Variants in SNX18 observed in about 807,000 individuals in gnomAD.
SNX18 encodes the protein sorting nexin-18.
SNX18 carries 35 observed loss-of-function variants against 48.7 expected under a neutral mutation model. That is an observed-to-expected ratio of 0.72 (90% CI 0.55 to 0.95). The LOEUF (loss-of-function observed/expected upper bound fraction) is 0.95. Among genes scored for constraint, SNX18 ranks in the 40% least tolerant of loss-of-function variants. The pLI is 0.00. For missense variants in SNX18, 824 were observed against 871.0 expected, an observed-to-expected ratio of 0.95 and a Z score of 0.68; for synonymous variants, 492 against 384.7, an observed-to-expected ratio of 1.28 and a Z score of -3.26.
At chr5:54,638,825 T>C in the SNX18 span, among the ~76,000 whole-genome samples, 3 of 152,140 alleles carry the variant, frequency 2.0e-5, no homozygotes, top group African/African-American at 7.2e-5. Context: ...TGGTAGAAGC[T>C]GGATCTGAGC....
chr5:54,591,784 T>G, the SNX18 span, among the ~76,000 whole-genome samples: 1 of 152,216 alleles, frequency 6.6e-6, no homozygotes, highest in African/African-American at 2.4e-5. Context: ...AATGTGTTTT[T>G]AGACAGAGGT....
At chr5:54,543,038 G>A (rs779321237) in intron 1 of SNX18, 141 bp from the exon 2 acceptor site, 1 of 754,792 alleles carries the variant, frequency 1.3e-6, no homozygotes, top group South Asian at 2.4e-5. Flanking sequence ...GAGTAATTAT[G>A]GTCCTCACTT....
the SNX18 span, chr5:54,645,119 T>A: frequency 6.6e-6 from 1 of 152,224 alleles, no homozygotes; most frequent in Non-Finnish European, 1.5e-5. Flanking sequence ...TATTAACTGA[T>A]ATATCCTGGG....
chr5:54,564,793 G>C, the SNX18 span, among the ~76,000 whole-genome samples: 1 of 152,248 alleles, frequency 6.6e-6, no homozygotes, highest in African/African-American at 2.4e-5. Context: ...GGGAGGCAGA[G>C]GTTGCAGTGA....
chr5:54,635,208 A>G, the SNX18 span, among the ~76,000 whole-genome samples: 4 of 151,558 alleles, frequency 2.6e-5, no homozygotes, highest in Non-Finnish European at 5.9e-5. Flanking sequence ...GGGGGAGAAT[A>G]TTCCCAAAGT....
At chr5:54,624,465 G>A in the SNX18 span, among the ~76,000 whole-genome samples, 2 of 152,210 alleles carry the variant, frequency 1.3e-5, no homozygotes, top group Non-Finnish European at 2.9e-5. Context: ...AGTAAATGAA[G>A]ATACAGAAGT....
the SNX18 span, among the ~76,000 whole-genome samples, chr5:54,619,038 A>G: frequency 2.5e-4 from 38 of 152,364 alleles, no homozygotes; most frequent in African/African-American, 9.1e-4. Flanking sequence ...AATATTGAGC[A>G]GTAAAAATAA....
At chr5:54,528,662 G>A (rs528094846) in intron 1 of SNX18, among the ~76,000 whole-genome samples, 24 of 152,308 alleles carry the variant, frequency 1.6e-4, no homozygotes, top group African/African-American at 3.6e-4. Context: ...TCACTGTACC[G>A]TATGACACAC....
the SNX18 span, among the ~76,000 whole-genome samples, chr5:54,604,870 G>A: frequency 2.7e-3 from 417 of 152,260 alleles, 7 homozygotes; most frequent in East Asian, 0.047. Flanking sequence ...GGATGTCTAG[G>A]GATGGCCTTT....
chr5:54,600,783 C>T, the SNX18 span, among the ~76,000 whole-genome samples: 4 of 152,014 alleles, frequency 2.6e-5, no homozygotes, highest in Admixed American at 6.6e-5. Context: ...ACAATGGGAT[C>T]GCATGGACAC....
At chr5:54,539,824 TTTTTG>T (rs879687436) in intron 1 of SNX18, among the ~76,000 whole-genome samples, 50 of 152,164 alleles carry the variant, frequency 3.3e-4, no homozygotes, top group African/African-American at 4.1e-4. Context: ...TCTTTGGGTT[TTTTTG>T]TTTTGTTTTG....
downstream of SNX18, among the ~76,000 whole-genome samples, chr5:54,548,234 A>C (rs1762604749): frequency 5.3e-5 from 8 of 152,198 alleles, no homozygotes; most frequent in Admixed American, 5.2e-4. Flanking sequence ...AAGCATGCCA[A>C]AGGCAAGACC....
At chr5:54,618,694 G>A in the SNX18 span, among the ~76,000 whole-genome samples, 5 of 152,170 alleles carry the variant, frequency 3.3e-5, no homozygotes, top group African/African-American at 1.2e-4. Flanking sequence ...CTGGCAAAAG[G>A]AAAGGGAACC....
the SNX18 span, among the ~76,000 whole-genome samples, chr5:54,600,967 C>T: frequency 1.3e-5 from 2 of 152,180 alleles, no homozygotes; most frequent in Non-Finnish European, 2.9e-5. Flanking sequence ...ACATCCTGCA[C>T]ATGTACTAGA....
the SNX18 span, among the ~76,000 whole-genome samples, chr5:54,601,585 TC>T: frequency 6.6e-6 from 1 of 152,160 alleles, no homozygotes; most frequent in Non-Finnish European, 1.5e-5. Context: ...GCATCTTCCC[TC>T]CTGTTCATAT....
the SNX18 span, among the ~76,000 whole-genome samples, chr5:54,557,457 G>A: frequency 6.6e-6 from 1 of 152,168 alleles, no homozygotes; most frequent in Non-Finnish European, 1.5e-5. Flanking sequence ...TTGTTTGGGT[G>A]CAACAATTTC....
Position 54,518,833 on chromosome 5 carries a change from G to C in SNX18, c.881G>C (p.Ser294Thr). The C allele has an allele frequency of 6.2e-7, 1 of 1,610,174 alleles. No individual in the cohort carries two copies. The highest frequency in any genetic ancestry group is 1.1e-5 in the South Asian group (1 of 90,662). ...TKQTKFKGMKSYISYKLVPTH... is the reference protein window; with the variant it reads ...TKQTKFKGMKTYISYKLVPTH... Reference sequence around the variant, plus strand: ...CAGACCAAGTTCAAGGGCATGAAGAGCTACATCTCCTACAAGCTGGTGCCC... The same window carrying C: ...CAGACCAAGTTCAAGGGCATGAAGACCTACATCTCCTACAAGCTGGTGCCC... The change falls in exon 1 of 2, where the codon AGC (serine) becomes ACC (threonine). Residue 294 changes from serine (S) to threonine (T), a missense_variant. By Grantham distance (58) the Ser-to-Thr change is moderately conservative. Transcript: ENST00000381410.
At chr5:54,560,297 T>TA in the SNX18 span, among the ~76,000 whole-genome samples, 5 of 152,236 alleles carry the variant, frequency 3.3e-5, no homozygotes, top group South Asian at 1.0e-3. Flanking sequence ...TATGCAGCCA[T>TA]AAAAAATGAC....
In SNX18 at chr5:54,518,324, G is replaced by C. The variant is rs901927857; in HGVS notation, c.372G>C (p.Ala124=). Residue 124 remains alanine (A), a synonymous_variant, in exon 1 of 2, where the codon GCG becomes GCC. Transcript: ENST00000381410. ...PPPSTFQPPG[A]GFPYGGGALQ... ...CGAGCACCTTCCAGCCGCCCGGCGC[G>C]GGCTTCCCGTACGGCGGGGGCGCCC... 1.9e-5 allele frequency: 29 copies of C among 1,543,910 alleles called. No homozygotes were observed. The highest frequency in any genetic ancestry group is 2.0e-5 in the Non-Finnish European group (23 of 1,148,344).
Sources: allele counts gnomAD v4.1 joint callset (sites outside exome capture counted in the v4.1 genomes callset), GRCh38; gene constraint gnomAD v4.1.1; transcripts MANE v1.5; gene names NCBI Gene and HGNC (gene_info 2026-07-23, HGNC 2026-07-21).